CKAP2L: variants seen among roughly 807,000 people sequenced by gnomAD.
The protein encoded by CKAP2L is cytoskeleton-associated protein 2-like.
A neutral mutation model predicts 65.7 loss-of-function variants in CKAP2L; 42 were observed. The ratio of observed to expected loss-of-function variants is 0.64; its 90% CI spans 0.50 to 0.83. The LOEUF (loss-of-function observed/expected upper bound fraction) is 0.83, where lower values mean the gene tolerates loss of function less well. Among genes scored for constraint, CKAP2L ranks in the 40% least tolerant of loss-of-function variants. The pLI, the probability that CKAP2L is intolerant of heterozygous loss-of-function variation, is 0.00. For synonymous variants in CKAP2L, 325 were observed against 313.5 expected, an observed-to-expected ratio of 1.04 and a Z score of -0.39; for missense variants, 908 against 871.0, an observed-to-expected ratio of 1.04 and a Z score of -0.53.
At chr2:112,746,726 A>G (rs559132922) in intron 5 of CKAP2L, 151 bp from the exon 6 acceptor site, 1 of 488,962 alleles carries the variant, frequency 2.0e-6, no homozygotes, top group East Asian at 3.1e-5. Flanking sequence ...CTGAGGTACA[A>G]TGTACATGTA....
chr2:112,756,010 T>G lies in CKAP2L; in HGVS notation c.1361A>C (p.Asn454Thr). 2 of 1,594,124 alleles carry G rather than the reference T, an allele frequency of 1.3e-6. No homozygotes were observed. The change falls in exon 4 of 9, where the codon AAT becomes ACT. Residue 454 changes from asparagine (N) to threonine (T), a missense_variant. Asn to Thr is a moderately conservative substitution (Grantham distance 65). Coordinates refer to ENST00000302450, the MANE Select transcript of CKAP2L (RefSeq NM_152515.5). Reference sequence around the variant, plus strand: ...CTCTGCTGTTGCCTTCTTTTTAATATTTGGGTTTGTTTGGGTCCCATTTAC... The same window carrying G: ...CTCTGCTGTTGCCTTCTTTTTAATAGTTGGGTTTGTTTGGGTCCCATTTAC... ...TTVNGTQTNP[N>T]IKKKATAEDR...
intron 2 of CKAP2L, among the ~76,000 whole-genome samples, chr2:112,761,549 T>TAA (rs201461809): frequency 6.1e-5 from 8 of 130,918 alleles, no homozygotes; most frequent in African/African-American, 1.4e-4. Context: ...AAAGAAATAT[T>TAA]AAAAAAAAAA....
In CKAP2L at chr2:112,756,190, G is replaced by C. The variant is rs1680527053; in HGVS notation, c.1181C>G (p.Pro394Arg). ...GRFNSAIPSTPSIRPNGTSGN... is the reference protein window; with the variant it reads ...GRFNSAIPSTRSIRPNGTSGN... The stretch of plus-strand genomic sequence containing the variant: ...ACTGGTTCCATTTGGTCTTATGCTA[G>C]GGGTGCTTGGAATGGCTGAATTAAA... The change falls in exon 4 of 9, where the codon CCT becomes CGT. Residue 394 changes from proline to arginine, a missense_variant. Pro to Arg is a moderately radical substitution (Grantham distance 103). Coordinates refer to ENST00000302450, the MANE Select transcript of CKAP2L (RefSeq NM_152515.5). 9 of 1,614,136 alleles carry C rather than the reference G, an allele frequency of 5.6e-6. No homozygotes were observed. Among genetic ancestry groups the C allele is most frequent in the East Asian group, 2.2e-5 (1 of 44,880 alleles).
chr2:112,738,734 CCT>C lies in CKAP2L; in HGVS notation c.*87_*88del, dbSNP rs1489345443. The C allele has an allele frequency of 2.4e-6, 2 of 823,710 alleles. No homozygotes were observed. Among genetic ancestry groups the C allele is most frequent in the Non-Finnish European group, 4.0e-6 (2 of 501,374 alleles). The allele number at this position is 823,710 out of a possible 1,614,324, so 51.0% of individuals were successfully genotyped here. On this transcript the variant is annotated 3_prime_UTR_variant, in exon 9 of 9. Coordinates refer to ENST00000302450, the MANE Select transcript of CKAP2L (RefSeq NM_152515.5). ...GCGTCCATAATCTGCATCCATGATG[CCT>C]CTCTTTTTTTCCAGGTCACTTGGAC... is the stretch of plus-strand genomic sequence containing the variant.
At chr2:112,763,012 C>G (rs1680776071) in intron 1 of CKAP2L, among the ~76,000 whole-genome samples, 1 of 152,136 alleles carries the variant, frequency 6.6e-6, no homozygotes, top group African/African-American at 2.4e-5. Context: ...TCTCAAATTC[C>G]TGAGCTCAAG....
chr2:112,756,729 A>AT lies in CKAP2L; in HGVS notation c.641dup (p.Tyr214Ter), dbSNP rs752799817. 6.3e-7 allele frequency: 1 copy of AT among 1,596,576 alleles called. No individual in the cohort carries two copies. Among genetic ancestry groups the AT allele is most frequent in the Non-Finnish European group, 8.5e-7 (1 of 1,174,258 alleles). The change falls in exon 4 of 9, where the codon TAT (tyrosine) becomes TAAT (stop). Residue 214 changes from tyrosine to a stop codon, truncating the protein, a stop_gained and frameshift_variant. Coordinates refer to ENST00000302450, the MANE Select transcript of CKAP2L (RefSeq NM_152515.5). LOFTEE classifies it high-confidence loss of function. ...GAACTAAACTGTTCTTGGTTTGATT[A>AT]TAAGAGTCAGTCTTTGGCTTACTTC... is the stretch of plus-strand genomic sequence containing the variant. ...YTRSKPKTDSYNQTKNSLVPK... is the reference protein window; with the variant it reads ...YTRSKPKTDS
At position 112,756,272 on chromosome 2, in the gene CKAP2L, A is replaced by G. The variant is rs1024089639; in HGVS notation, c.1099T>C (p.Cys367Arg). ...ATGGCTTTTGACTTTTGCAGTACACATGATGTCTGAGGTATACAAACTTGG... is the reference window on the plus strand; with the variant it reads ...ATGGCTTTTGACTTTTGCAGTACACGTGATGTCTGAGGTATACAAACTTGG... ...SSQVCIPQTS[C>R]VLQKSKAISQ... is the part of the protein sequence containing the mutation. The change falls in exon 4 of 9, where the codon TGT becomes CGT. Residue 367 changes from cysteine (C) to arginine (R), a missense_variant. Physicochemically the swap from Cys to Arg is radical, Grantham distance 180 (BLOSUM62 -3). Transcript: ENST00000302450. 2 of 1,613,990 alleles carry G rather than the reference A, an allele frequency of 1.2e-6. No homozygotes were observed. The highest frequency in any genetic ancestry group is 1.1e-5 in the South Asian group (1 of 91,072).
intron 5 of CKAP2L, among the ~76,000 whole-genome samples, chr2:112,750,457 C>G (rs1316443128): frequency 6.6e-6 from 1 of 152,200 alleles, no homozygotes; most frequent in Admixed American, 6.5e-5. Flanking sequence ...ATCAGGATGA[C>G]TCTGAGAGAT....
chr2:112,754,060 C>G (rs1327832460), intron 4 of CKAP2L, among the ~76,000 whole-genome samples: 1 of 152,202 alleles, frequency 6.6e-6, no homozygotes. Context: ...TAATAACACA[C>G]AGTAAAATTC....
rs1191607670 is a variant in CKAP2L at position 112,738,039 on chromosome 2, T to C, written c.*784A>G. 6.6e-6 allele frequency: 1 copy of C among 152,096 alleles called. No individual in the cohort carries two copies. Among genetic ancestry groups the C allele is most frequent in the Admixed American group, 6.6e-5 (1 of 15,260 alleles). The allele number at this position is 152,096 out of a possible 1,614,324, so 9.4% of individuals were successfully genotyped here. The stretch of plus-strand genomic sequence containing the variant: ...AGGAAGAAAAAGCAACCTACAACAG[T>C]CTCTGGGGCTTGCACTGCCTTCTCA... On this transcript the variant is annotated 3_prime_UTR_variant, in exon 9 of 9. Transcript: ENST00000302450.
chr2:112,744,851 C>T (rs1394032715), intron 6 of CKAP2L, among the ~76,000 whole-genome samples: 1 of 152,136 alleles, frequency 6.6e-6, no homozygotes, highest in Admixed American at 6.5e-5. Flanking sequence ...TTCAGACCCA[C>T]CTTTTATATG....
In CKAP2L at chr2:112,746,549, G is replaced by A. The variant is rs765201653; in HGVS notation, c.1629C>T (p.Asn543=). ...CAGCTTCAGGAATGCTGGACAATAT[G>A]TTAAGTATTTCATTAGAAGGTACAC... ...EGGVPSNEIL[N]ILSSIPEAEK... is the part of the protein sequence containing the mutation. The change falls in exon 6 of 9, where the codon AAC becomes AAT. Residue 543 remains asparagine, a synonymous_variant. Transcript: ENST00000302450. The A allele has an allele frequency of 6.2e-7, 1 of 1,611,484 alleles. No homozygotes were observed. The highest frequency in any genetic ancestry group is 1.1e-5 in the South Asian group (1 of 90,846).
At chr2:112,757,592 A>G (rs1394286166) in intron 3 of CKAP2L, among the ~76,000 whole-genome samples, 43 of 151,904 alleles carry the variant, frequency 2.8e-4, no homozygotes, top group Admixed American at 2.8e-3. Flanking sequence ...GTTTCACCAT[A>G]TTGGCCAGGT....
chr2:112,755,603 C>T (rs1213730570), intron 4 of CKAP2L, among the ~76,000 whole-genome samples: 11 of 152,142 alleles, frequency 7.2e-5, no homozygotes, highest in Non-Finnish European at 5.9e-5. Context: ...AGATTACCAT[C>T]TTCTCACTTC....
Position 112,738,964 on chromosome 2 carries a change from G to A in CKAP2L, c.2097C>T (p.Arg699=), listed in dbSNP as rs1183232013. The change falls in exon 9 of 9, where the codon CGC becomes CGT. Residue 699 remains arginine, a synonymous_variant. Coordinates refer to ENST00000302450, the MANE Select transcript of CKAP2L (RefSeq NM_152515.5). ...RSSRIERAVS[R]YPEMLQEHDL... ...CGTGTTCCTGCAGCATTTCTGGGTA[G>A]CGGGACACTGCTCGCTCAATCCTCG... is the stretch of plus-strand genomic sequence containing the variant. 6.2e-7 allele frequency: 1 copy of A among 1,614,200 alleles called. No homozygotes were observed. The highest frequency in any genetic ancestry group is 8.5e-7 in the Non-Finnish European group (1 of 1,180,032).
At chr2:112,760,359 A>T (rs1449477176) in intron 3 of CKAP2L, among the ~76,000 whole-genome samples, 1 of 152,150 alleles carries the variant, frequency 6.6e-6, no homozygotes, top group Admixed American at 6.5e-5. Flanking sequence ...TCTGTGACTT[A>T]GTTTGCTTAT....
chr2:112,757,270 T>A, intron 3 of CKAP2L, 56 bp from the exon 4 acceptor site: 1 of 1,234,338 alleles, frequency 8.1e-7, no homozygotes. Context: ...TTATTGTTTT[T>A]AAAATAATAA....
At chr2:112,752,572 T>G in intron 4 of CKAP2L, 98 bp from the exon 5 acceptor site, 1 of 740,880 alleles carries the variant, frequency 1.3e-6, no homozygotes, top group Non-Finnish European at 2.2e-6. Flanking sequence ...AATTAAATAC[T>G]TTCAACTACA....
chr2:112,740,937 T>C lies in CKAP2L; in HGVS notation c.1893A>G (p.Glu631=), dbSNP rs1337505414. ...TTGGAGAAAGACAAGACTTCACAGA[T>C]TCCATCTTCTTGGCCAGCTCTTCCA... The part of the protein sequence containing the change: ...TSVEELAKKM[E]SVKSCLSPKE... The change falls in exon 8 of 9, where the codon GAA becomes GAG. Residue 631 remains glutamate, a synonymous_variant. Coordinates refer to ENST00000302450, the MANE Select transcript of CKAP2L (RefSeq NM_152515.5). The C allele has an allele frequency of 1.9e-6, 3 of 1,613,960 alleles. No individual in the cohort carries two copies. Among genetic ancestry groups the C allele is most frequent in the Non-Finnish European group, 2.5e-6 (3 of 1,179,954 alleles).
Sources: gnomAD v4.1 joint callset for allele counts (sites outside exome capture counted in the v4.1 genomes callset) on GRCh38, gnomAD v4.1.1 for gene constraint, MANE v1.5 for transcripts, NCBI Gene and HGNC (gene_info 2026-07-23, HGNC 2026-07-21) for gene names.